ACTN1: variants seen among roughly 807,000 people sequenced by gnomAD.
ACTN1 encodes the protein alpha-actinin-1.
ACTN1 carries 30 observed loss-of-function variants against 119.6 expected under a neutral mutation model. The observed-to-expected ratio is 0.25, with a 90% CI of 0.19 to 0.34. ACTN1 has a LOEUF of 0.34. Among genes scored for constraint, ACTN1 ranks in the 10% least tolerant of loss-of-function variants. The pLI is 1.00. For missense variants in ACTN1, 764 were observed against 1,223.4 expected, an observed-to-expected ratio of 0.62 and a Z score of 5.60; for synonymous variants, 429 against 472.6, an observed-to-expected ratio of 0.91 and a Z score of 1.20.
intron 6 of ACTN1, among the ~76,000 whole-genome samples, chr14:68,905,160 G>A (rs1012776553): frequency 6.6e-6 from 1 of 152,102 alleles, no homozygotes; most frequent in Non-Finnish European, 1.5e-5. Context: ...TTGGGGTAGG[G>A]AGCTCTAAAC....
intron 3 of ACTN1, 126 bp from the exon 4 acceptor site, chr14:68,912,368 G>A (rs375214912): frequency 4.0e-6 from 3 of 748,208 alleles, no homozygotes; most frequent in East Asian, 2.6e-5. Flanking sequence ...TCTACTTCTA[G>A]AGGGAAACAG....
intron 3 of ACTN1, among the ~76,000 whole-genome samples, chr14:68,912,728 A>C (rs1309597217): frequency 6.6e-6 from 1 of 152,146 alleles, no homozygotes; most frequent in Non-Finnish European, 1.5e-5. Flanking sequence ...CTGGAAGAGA[A>C]GTCTATTTGG....
At chr14:68,913,699 C>A (rs1184142961) in intron 3 of ACTN1, among the ~76,000 whole-genome samples, 2 of 152,192 alleles carry the variant, frequency 1.3e-5, no homozygotes, top group African/African-American at 2.4e-5. Flanking sequence ...AGCAAAGGAA[C>A]AAGTGTCCAC....
chr14:68,949,200 T>TG (rs2036046406), intron 1 of ACTN1, among the ~76,000 whole-genome samples: 1 of 151,448 alleles, frequency 6.6e-6, no homozygotes, highest in African/African-American at 2.4e-5. Flanking sequence ...GAGGCAGGGG[T>TG]GGGGGAGGTC....
intron 3 of ACTN1, among the ~76,000 whole-genome samples, chr14:68,917,307 A>C (rs2034354566): frequency 6.6e-6 from 1 of 152,106 alleles, no homozygotes; most frequent in Non-Finnish European, 1.5e-5. Flanking sequence ...CCATTTCCCA[A>C]GGCTCCCAGA....
intron 1 of ACTN1, among the ~76,000 whole-genome samples, chr14:68,976,640 G>C (rs978047751): frequency 1.8e-4 from 27 of 152,198 alleles, no homozygotes; most frequent in African/African-American, 6.5e-4. Flanking sequence ...CTCTGGCTCT[G>C]GCTGCGAGGC....
chr14:68,885,704 G>C lies in ACTN1; in HGVS notation c.1235-129C>G, dbSNP rs892713747. The C allele has an allele frequency of 7.4e-6, 8 of 1,085,294 alleles. No individual in the cohort carries two copies. The highest frequency in any genetic ancestry group is 1.0e-5 in the Non-Finnish European group (8 of 773,060). The allele number at this position is 1,085,294 out of a possible 1,614,324, so 67.2% of individuals were successfully genotyped here. On this transcript the variant is annotated intron_variant, in intron 11 of 21. Transcript: ENST00000394419. The surrounding 1 kb of genome is among the most constrained non-coding windows in gnomAD (Gnocchi z 5.6). ...TTCTCAAGGAGGTGCCCATTGTGCA[G>C]GGATCTGCAGGGTGCAAAAGCAGAT...
At chr14:68,963,809 G>A (rs1188809596) in intron 1 of ACTN1, among the ~76,000 whole-genome samples, 1 of 152,222 alleles carries the variant, frequency 6.6e-6, no homozygotes, top group Non-Finnish European at 1.5e-5. Flanking sequence ...AAATAGCCCA[G>A]ATGATTAAAT....
At chr14:68,895,445 G>A (rs1021713132) in intron 8 of ACTN1, among the ~76,000 whole-genome samples, 1 of 152,172 alleles carries the variant, frequency 6.6e-6, no homozygotes, top group African/African-American at 2.4e-5. Flanking sequence ...AGCAAGTGGG[G>A]CCATGGGAAC....
chr14:68,880,743 C>T lies in ACTN1; in HGVS notation c.2133+67G>A, dbSNP rs1262119815. On this transcript the variant is annotated intron_variant, in intron 17 of 21. Coordinates refer to ENST00000394419, the MANE Select transcript of ACTN1 (RefSeq NM_001130004.2). The surrounding 1 kb of genome is among the most constrained non-coding windows in gnomAD (Gnocchi z 4.6). ...TATGACCTGTTCCCTTGGAGACTTC[C>T]CCACCCAGGAGAAAGAGCAGAAGGG... 1.3e-6 allele frequency: 2 copies of T among 1,541,610 alleles called. No individual in the cohort carries two copies. Among genetic ancestry groups the T allele is most frequent in the African/African-American group, 2.7e-5 (2 of 73,194 alleles).
chr14:68,893,514 C>G (rs2032653951), intron 9 of ACTN1, 141 bp downstream of exon 9: 6 of 760,414 alleles, frequency 7.9e-6, no homozygotes, highest in Non-Finnish European at 1.2e-5. Flanking sequence ...CACAACAGAG[C>G]TCAGGCTGCC....
intron 6 of ACTN1, among the ~76,000 whole-genome samples, chr14:68,907,598 CAGA>C (rs1437362696): frequency 4.6e-5 from 7 of 151,984 alleles, no homozygotes; most frequent in African/African-American, 9.7e-5. Context: ...CAAAAAAACA[CAGA>C]AGGAGAGGCA....
At chr14:68,976,608 C>T (rs1312912474) in intron 1 of ACTN1, among the ~76,000 whole-genome samples, 1 of 152,226 alleles carries the variant, frequency 6.6e-6, no homozygotes, top group Non-Finnish European at 1.5e-5. Flanking sequence ...AAGCACGTGT[C>T]GGCTCTCCTG....
chr14:68,893,636 T>C lies in ACTN1; in HGVS notation c.855+19A>G. 3 of 1,612,388 alleles carry C rather than the reference T, an allele frequency of 1.9e-6. No homozygotes were observed. The highest frequency in any genetic ancestry group is 2.5e-6 in the Non-Finnish European group (3 of 1,179,150). ...TGACTCTTGCTAGAGTCAGGCCAGG[T>C]GAACCCGGGGGTACCCACATCACTG... On this transcript the variant is annotated intron_variant, in intron 9 of 21. Coordinates refer to ENST00000394419, the MANE Select transcript of ACTN1 (RefSeq NM_001130004.2).
At position 68,917,065 on chromosome 14, in the gene ACTN1, A is replaced by G. The variant is rs868273815; in HGVS notation, c.340+3941T>C. On this transcript the variant is annotated intron_variant, in intron 3 of 21. Transcript: ENST00000394419. ...CCAAACCCTCAGGCTCCACCTGCCCAAAGACCTTAAAATACAAAATCCTTT... is the reference window on the plus strand; with the variant it reads ...CCAAACCCTCAGGCTCCACCTGCCCGAAGACCTTAAAATACAAAATCCTTT... Among the ~76,000 whole-genome samples, 43 of 152,266 alleles carry G rather than the reference A, an allele frequency of 2.8e-4. 1 individual carries two copies. In the Middle Eastern group the frequency reaches 0.01, roughly 36 times the overall value.
intron 1 of ACTN1, among the ~76,000 whole-genome samples, chr14:68,928,294 C>A (rs147706166): frequency 1.2e-4 from 18 of 152,260 alleles, no homozygotes; most frequent in African/African-American, 4.1e-4. Context: ...CCCTGGGAAA[C>A]AAAACACACC....
At chr14:68,890,417 A>C (rs1594768882) in intron 10 of ACTN1, 131 bp from the exon 11 acceptor site, 3 of 1,094,370 alleles carry the variant, frequency 2.7e-6, no homozygotes, top group Non-Finnish European at 1.3e-6. Flanking sequence ...CCCCATATCC[A>C]CCCTAGCCAG....
At chr14:68,938,507 A>C (rs540712123) in intron 1 of ACTN1, among the ~76,000 whole-genome samples, 1 of 152,232 alleles carries the variant, frequency 6.6e-6, no homozygotes, top group East Asian at 1.9e-4. Context: ...AATGGCACAG[A>C]ATGAAAGACG....
chr14:68,950,667 T>C (rs2036131274), intron 1 of ACTN1, among the ~76,000 whole-genome samples: 1 of 151,398 alleles, frequency 6.6e-6, no homozygotes, highest in Admixed American at 6.6e-5. Context: ...GTTCACACCA[T>C]TCTCCTGCCT....
Sources: gnomAD v4.1 joint callset for allele counts (sites outside exome capture counted in the v4.1 genomes callset) on GRCh38, gnomAD v4.1.1 for gene constraint, Gnocchi (gnomAD v3.1) non-coding constraint, MANE v1.5 for transcripts, NCBI Gene and HGNC (gene_info 2026-07-23, HGNC 2026-07-21) for gene names.